The following ACTN4 variants were observed in gnomAD, a reference collection of about 807,000 sequenced individuals.
ACTN4 encodes the protein actinin alpha 4.
Under a neutral mutation model 114.2 loss-of-function variants are expected in ACTN4, and 18 were observed. The observed-to-expected ratio is 0.16, with a 90% CI of 0.11 to 0.23. The LOEUF (loss-of-function observed/expected upper bound fraction) is 0.23, where lower values mean the gene tolerates loss of function less well. ACTN4 is among the 10% of genes least tolerant of loss of function. The pLI is 1.00. For missense variants in ACTN4, 722 were observed against 1,262.9 expected, an observed-to-expected ratio of 0.57 and a Z score of 6.49; for synonymous variants, 515 against 506.3, an observed-to-expected ratio of 1.02 and a Z score of -0.23.
Position 38,727,244 on chromosome 19 carries a change from C to CTGG in ACTN4, c.2337+141_2337+142insTGG. The CTGG allele has an allele frequency of 7.6e-7, 1 of 1,315,128 alleles. No homozygotes were observed. Among genetic ancestry groups the CTGG allele is most frequent in the East Asian group, 2.5e-5 (1 of 39,950 alleles). The allele number at this position is 1,315,128 out of a possible 1,614,324, so 81.5% of individuals were successfully genotyped here. ...CACTCCCAGGGCCAGCAGGGCCCTG[C>CTGG]CACTGTCAGGGTGTAGGTGTGCGGC... On this transcript the variant is annotated intron_variant, in intron 18 of 20. Coordinates refer to ENST00000252699, the MANE Select transcript of ACTN4 (RefSeq NM_004924.6). This position sits in a 1 kb window ranked among gnomAD's most constrained non-coding sequence, Gnocchi z 5.4.
chr19:38,698,480 GACAAGA>G (rs1162667518), intron 1 of ACTN4, among the ~76,000 whole-genome samples: 1 of 152,208 alleles, frequency 6.6e-6, no homozygotes, highest in Non-Finnish European at 1.5e-5. Context: ...GAGGGAGGGA[GACAAGA>G]ACTGTTGGAG....
Position 38,730,676 on chromosome 19 carries a change from T to G in ACTN4, c.*1244T>G, listed in dbSNP as rs968587703. 2 of 698,878 alleles carry G rather than the reference T, an allele frequency of 2.9e-6. No individual in the cohort carries two copies. Among genetic ancestry groups the G allele is most frequent in the African/African-American group, 3.5e-5 (2 of 56,424 alleles). The allele number at this position is 698,878 out of a possible 1,614,324, so 43.3% of individuals were successfully genotyped here. On this transcript the variant is annotated 3_prime_UTR_variant, in exon 21 of 21. Transcript: ENST00000252699. The stretch of plus-strand genomic sequence containing the variant: ...GAGAAGGGCTGTCGCTGTTCTTGTT[T>G]CTGAGTGAGGAGTACGCAGGCCAGA...
chr19:38,724,186 G>A lies in ACTN4; in HGVS notation c.1722G>A (p.Lys574=), dbSNP rs747088390. 2.2e-5 allele frequency: 36 copies of A among 1,613,800 alleles called. No individual in the cohort carries two copies. Among genetic ancestry groups the A allele is most frequent in the Admixed American group, 1.7e-5 (1 of 60,008 alleles). Residue 574 remains lysine (K), a synonymous_variant, in exon 15 of 21, where the codon AAG becomes AAA. Transcript: ENST00000252699. The surrounding 1 kb of genome is among the most constrained non-coding windows in gnomAD (Gnocchi z 7.0). ...EGLISAHDQF[K]STLPDADRER... is the part of the protein sequence containing the mutation. ...TGATCTCAGCCCATGACCAGTTCAAGTCCACCCTGCCGGACGCCGATAGGG... is the reference window on the plus strand; with the variant it reads ...TGATCTCAGCCCATGACCAGTTCAAATCCACCCTGCCGGACGCCGATAGGG...
At chr19:38,725,599 G>A in intron 16 of ACTN4, 125 bp from the exon 17 acceptor site, 1 of 1,084,676 alleles carries the variant, frequency 9.2e-7, no homozygotes, top group Non-Finnish European at 1.3e-6. Context: ...GGACCCATGG[G>A]CCAAGGCCCC....
At chr19:38,687,276 C>G (rs1382502513) in intron 1 of ACTN4, among the ~76,000 whole-genome samples, 1 of 152,156 alleles carries the variant, frequency 6.6e-6, no homozygotes, top group Non-Finnish European at 1.5e-5. Flanking sequence ...CCCAGCCCCT[C>G]TGGTTCTACT....
chr19:38,710,750 G>A (rs1968620134), intron 8 of ACTN4: 1 of 336,322 alleles, frequency 3.0e-6, no homozygotes, highest in African/African-American at 2.1e-5. Flanking sequence ...ACTTGCAGCA[G>A]GAGCTGCTAG....
chr19:38,652,914 C>T (rs574050897), intron 1 of ACTN4, among the ~76,000 whole-genome samples: 12 of 151,984 alleles, frequency 7.9e-5, no homozygotes, highest in Admixed American at 5.9e-4. Context: ...GGTGAAACCC[C>T]GTCTCTACCA....
intron 1 of ACTN4, among the ~76,000 whole-genome samples, chr19:38,655,273 C>T (rs2144829898): frequency 6.6e-6 from 1 of 152,182 alleles, no homozygotes; most frequent in Non-Finnish European, 1.5e-5. Flanking sequence ...GTGTTGTTTC[C>T]AGGTGGTTAC....
intron 1 of ACTN4, among the ~76,000 whole-genome samples, chr19:38,685,578 C>T (rs1346819194): frequency 6.6e-6 from 1 of 152,156 alleles, no homozygotes; most frequent in African/African-American, 2.4e-5. Context: ...CTAATCCTCT[C>T]AGTGCTCCAA....
At chr19:38,692,632 C>G (rs1006904706) in intron 1 of ACTN4, among the ~76,000 whole-genome samples, 4 of 152,182 alleles carry the variant, frequency 2.6e-5, no homozygotes, top group African/African-American at 7.2e-5. Context: ...GCTGGGGAGC[C>G]GTTTCTGCTT....
At chr19:38,692,846 A>G (rs568841645) in intron 1 of ACTN4, among the ~76,000 whole-genome samples, 1 of 152,312 alleles carries the variant, frequency 6.6e-6, no homozygotes, top group African/African-American at 2.4e-5. Context: ...AGGCCACAGC[A>G]GGCAAGGTGG....
chr19:38,666,952 GA>G (rs1966980448), intron 1 of ACTN4, among the ~76,000 whole-genome samples: 1 of 152,174 alleles, frequency 6.6e-6, no homozygotes, highest in Non-Finnish European at 1.5e-5. Context: ...GGGTGAAGGA[GA>G]AAGAACTGAG....
chr19:38,670,554 G>A (rs1035607291), intron 1 of ACTN4, among the ~76,000 whole-genome samples: 2 of 152,170 alleles, frequency 1.3e-5, no homozygotes, highest in African/African-American at 2.4e-5. Flanking sequence ...AGCTCTAGCT[G>A]ATGGTGGCCA....
At chr19:38,702,413 G>A (rs981814336) in intron 3 of ACTN4, among the ~76,000 whole-genome samples, 3 of 152,100 alleles carry the variant, frequency 2.0e-5, no homozygotes, top group Non-Finnish European at 2.9e-5. Context: ...TTGGCTTCCC[G>A]TGGGGGTGAT....
At chr19:38,691,357 T>C (rs1054794667) in intron 1 of ACTN4, among the ~76,000 whole-genome samples, 3 of 137,470 alleles carry the variant, frequency 2.2e-5, no homozygotes, top group African/African-American at 8.1e-5. Context: ...GCTGAGATCA[T>C]GCCATTGCAC....
At chr19:38,689,432 A>G (rs1025157730) in intron 1 of ACTN4, among the ~76,000 whole-genome samples, 2 of 152,100 alleles carry the variant, frequency 1.3e-5, no homozygotes, top group Admixed American at 6.6e-5. Context: ...GTAGGAGGGA[A>G]GTGGGGTTGG....
At position 38,724,081 on chromosome 19, in the gene ACTN4, C is replaced by T. The variant is rs755087180; in HGVS notation, c.1692+4C>T. The T allele has an allele frequency of 9.3e-6, 15 of 1,613,518 alleles. No homozygotes were observed. Among genetic ancestry groups the T allele is most frequent in the African/African-American group, 4.0e-5 (3 of 74,860 alleles). On this transcript the variant is annotated splice_donor_region_variant and intron_variant, in intron 14 of 20. Coordinates refer to ENST00000252699, the MANE Select transcript of ACTN4 (RefSeq NM_004924.6). The surrounding 1 kb of genome is among the most constrained non-coding windows in gnomAD (Gnocchi z 7.0). ...CCATACCATCGAGGAGATTGAGGTTCGCACCCCCCGGCCCCCCATCTTCCC... is the reference window on the plus strand; with the variant it reads ...CCATACCATCGAGGAGATTGAGGTTTGCACCCCCCGGCCCCCCATCTTCCC...
intron 5 of ACTN4, 73 bp from the exon 6 acceptor site, chr19:38,708,044 G>C (rs1293595923): frequency 4.8e-6 from 7 of 1,446,882 alleles, no homozygotes; most frequent in Non-Finnish European, 6.8e-6. Flanking sequence ...CACTGCTGTG[G>C]GTGCACAGGG....
rs756253273 is a variant in ACTN4 at position 38,710,355 on chromosome 19, G to A, written c.819+13G>A. ...AGGAGCGCAGAAGGTACCGAGCAGG[G>A]CCAGGCAGGCCCTCCTCGCCGCCAC... On this transcript the variant is annotated intron_variant, in intron 8 of 20. Transcript: ENST00000252699. 12 of 1,612,594 alleles carry A rather than the reference G, an allele frequency of 7.4e-6. No homozygotes were observed. The highest frequency in any genetic ancestry group is 1.0e-5 in the Non-Finnish European group (12 of 1,179,838).
Sources: allele counts gnomAD v4.1 joint callset (sites outside exome capture counted in the v4.1 genomes callset), GRCh38; gene constraint gnomAD v4.1.1; non-coding constraint Gnocchi (gnomAD v3.1); transcripts MANE v1.5; gene names NCBI Gene and HGNC (gene_info 2026-07-23, HGNC 2026-07-21).